The following B3GALNT2 variants were observed in gnomAD, a reference collection of about 807,000 sequenced individuals.
B3GALNT2 encodes beta-1,3-N-acetylgalactosaminyltransferase 2, also known as UDP-GalNAc:beta-1,3-N-acetylgalactosaminyltransferase 2.
A neutral mutation model predicts 61.1 loss-of-function variants in B3GALNT2; 53 were observed. The observed-to-expected ratio is 0.87, with a 90% confidence interval of 0.70 to 1.09. The LOEUF (loss-of-function observed/expected upper bound fraction) is 1.09. Ranked by LOEUF, B3GALNT2 falls within the 50% of genes least tolerant of loss-of-function variation. The pLI is 0.00. For missense variants in B3GALNT2, 544 were observed against 623.0 expected, an observed-to-expected ratio of 0.87 and a Z score of 1.35; for synonymous variants, 223 against 237.4, an observed-to-expected ratio of 0.94 and a Z score of 0.56.
At chr1:235,440,115 C>A in the B3GALNT2 span, among the ~76,000 whole-genome samples, 4 of 152,136 alleles carry the variant, frequency 2.6e-5, no homozygotes, top group Admixed American at 6.5e-5. Flanking sequence ...GGACTACAGG[C>A]GCCCACCACC....
chr1:235,495,862 TTC>T (rs1685295161), intron 1 of B3GALNT2, among the ~76,000 whole-genome samples: 3 of 152,206 alleles, frequency 2.0e-5, no homozygotes, highest in Non-Finnish European at 2.9e-5. Flanking sequence ...GATCTAGGTA[TTC>T]AGTCTAAAAG....
intron 8 of B3GALNT2, among the ~76,000 whole-genome samples, chr1:235,457,111 A>AAAT (rs1683200416): frequency 1.3e-4 from 19 of 149,356 alleles, no homozygotes; most frequent in African/African-American, 4.7e-4. Flanking sequence ...TTTCTATTAA[A>AAAT]AAATAAATAA....
chr1:235,443,358 C>T (rs572663275), downstream of B3GALNT2, among the ~76,000 whole-genome samples: 18 of 152,148 alleles, frequency 1.2e-4, no homozygotes, highest in South Asian at 2.1e-4. Context: ...GAGCCACCAA[C>T]GCCCAGCTAA....
intron 6 of B3GALNT2, among the ~76,000 whole-genome samples, chr1:235,469,719 ATT>A (rs34811873): frequency 2.1e-5 from 3 of 142,572 alleles, no homozygotes. Flanking sequence ...GGCCCAGCTA[ATT>A]TTTTTTTTTT....
In B3GALNT2 at chr1:235,450,093, G is replaced by A; in HGVS notation, c.*113C>T. On this transcript the variant is annotated 3_prime_UTR_variant, in exon 12 of 12. Coordinates refer to ENST00000366600, the MANE Select transcript of B3GALNT2 (RefSeq NM_152490.5). ...GGTTCTGGGTGAAAGTGCCAGTCTG[G>A]AACTCTCTTGAAAGACCATACAGTC... is the stretch of plus-strand genomic sequence containing the variant. 3.8e-6 allele frequency: 5 copies of A among 1,315,554 alleles called. No homozygotes were observed. The highest frequency in any genetic ancestry group is 5.3e-6 in the Non-Finnish European group (5 of 943,194). 81.5% of individuals were successfully genotyped at this position (1,315,554 alleles called of 1,614,324 possible).
At chr1:235,496,311 G>GA (rs57723180) in intron 1 of B3GALNT2, 176,547 of 726,308 alleles carry the variant, frequency 0.24, 3,278 homozygotes, top group East Asian at 0.48. Context: ...GACTCCACCT[G>GA]AAAAAAAAAA....
chr1:235,496,221 G>A, intron 1 of B3GALNT2: 1 of 216,902 alleles, frequency 4.6e-6, no homozygotes. Context: ...TGAGGCAGGA[G>A]AATCTCTTGA....
chr1:235,451,555 A>T (rs1316863615), intron 11 of B3GALNT2: 1 of 151,988 alleles, frequency 6.6e-6, no homozygotes, highest in Non-Finnish European at 1.5e-5. Flanking sequence ...GCAAAATCAG[A>T]CCCAGCAAAG....
intron 7 of B3GALNT2, 121 bp downstream of exon 7, chr1:235,465,515 G>T: frequency 7.0e-7 from 1 of 1,428,458 alleles, no homozygotes; most frequent in Non-Finnish European, 9.4e-7. Context: ...CTTTAAAAGG[G>T]TGAATTTTAT....
intron 7 of B3GALNT2, 105 bp downstream of exon 7, chr1:235,465,531 T>C (rs768695885): frequency 6.7e-6 from 10 of 1,492,982 alleles, no homozygotes; most frequent in Non-Finnish European, 9.0e-6. Flanking sequence ...TTTATCTGAA[T>C]AAAGTTTTTT....
intron 7 of B3GALNT2, chr1:235,463,474 G>C (rs1050605152): frequency 7.5e-5 from 11 of 146,746 alleles, no homozygotes; most frequent in African/African-American, 2.8e-4. Context: ...TTAACAAGCT[G>C]ATCATAAAAT....
At chr1:235,491,939 G>A (rs976840466) in intron 2 of B3GALNT2, among the ~76,000 whole-genome samples, 2 of 152,128 alleles carry the variant, frequency 1.3e-5, no homozygotes, top group Non-Finnish European at 2.9e-5. Context: ...AGTGTTAGGA[G>A]TTTCTCAAAC....
intron 2 of B3GALNT2, 143 bp downstream of exon 2, chr1:235,494,538 C>T: frequency 1.2e-6 from 1 of 823,840 alleles, no homozygotes; most frequent in East Asian, 2.6e-5. Flanking sequence ...CTCACTGCAG[C>T]CTCAATTTTC....
intron 6 of B3GALNT2, among the ~76,000 whole-genome samples, chr1:235,467,308 C>A (rs1180828493): frequency 1.3e-5 from 2 of 151,888 alleles, no homozygotes; most frequent in African/African-American, 2.4e-5. Context: ...AAGACTGTGC[C>A]ACTGTACTCC....
intron 7 of B3GALNT2, 95 bp downstream of exon 7, chr1:235,465,541 T>A (rs900679734): frequency 1.2e-5 from 18 of 1,526,130 alleles, no homozygotes; most frequent in African/African-American, 2.8e-5. Flanking sequence ...TAAAGTTTTT[T>A]AAAAGACAAA....
At chr1:235,483,892 G>T (rs971827730) in intron 4 of B3GALNT2, among the ~76,000 whole-genome samples, 1 of 152,110 alleles carries the variant, frequency 6.6e-6, no homozygotes, top group Non-Finnish European at 1.5e-5. Context: ...TTCTGTAAAA[G>T]AATAACTTTT....
chr1:235,483,693 G>A (rs944562176), intron 4 of B3GALNT2, among the ~76,000 whole-genome samples: 14 of 152,244 alleles, frequency 9.2e-5, no homozygotes, highest in African/African-American at 2.6e-4. Context: ...ACAGGAAAAC[G>A]TTAATTGTTG....
intron 5 of B3GALNT2, among the ~76,000 whole-genome samples, chr1:235,473,404 T>C (rs1427424971): frequency 6.6e-6 from 1 of 152,230 alleles, no homozygotes; most frequent in Non-Finnish European, 1.5e-5. Context: ...GATAAGGAAC[T>C]GATAGGACTT....
At chr1:235,442,371 T>C (rs1008851613), downstream of B3GALNT2, among the ~76,000 whole-genome samples, 10 of 152,206 alleles carry the variant, frequency 6.6e-5, no homozygotes, top group African/African-American at 2.2e-4. Flanking sequence ...GGTTTCACCA[T>C]GTTGGCCAGG....
Sources: gnomAD v4.1 joint callset for allele counts (sites outside exome capture counted in the v4.1 genomes callset) on GRCh38, gnomAD v4.1.1 for gene constraint, MANE v1.5 for transcripts, NCBI Gene and HGNC (gene_info 2026-07-23, HGNC 2026-07-21) for gene names.